The following CDH13 variants were observed in gnomAD, a reference collection of about 807,000 sequenced individuals.
CDH13 encodes cadherin 13.
A neutral mutation model predicts 63.8 loss-of-function variants in CDH13; 24 were observed. The ratio of observed to expected loss-of-function variants is 0.38; its 90% CI spans 0.27 to 0.53. CDH13 has a LOEUF of 0.53. CDH13 is among the 20% of genes least tolerant of loss of function. CDH13 has a pLI of 0.85. For synonymous variants in CDH13, 503 were observed against 355.3 expected, an observed-to-expected ratio of 1.42 and a Z score of -4.67; for missense variants, 1,049 against 903.1, an observed-to-expected ratio of 1.16 and a Z score of -2.07.
chr16:83,300,452 A>T (rs1407581892), intron 5 of CDH13, among the ~76,000 whole-genome samples: 1 of 152,218 alleles, frequency 6.6e-6, no homozygotes, highest in Non-Finnish European at 1.5e-5. Flanking sequence ...GGAATGGAAG[A>T]TGTTATCTCA....
At chr16:83,572,706 T>C (rs1347489229) in intron 7 of CDH13, among the ~76,000 whole-genome samples, 1 of 152,216 alleles carries the variant, frequency 6.6e-6, no homozygotes, top group Non-Finnish European at 1.5e-5. Context: ...ACATGTATAA[T>C]AGCCAAACAT....
chr16:83,722,195 C>G (rs1459382387), intron 10 of CDH13, among the ~76,000 whole-genome samples: 1 of 152,004 alleles, frequency 6.6e-6, no homozygotes, highest in East Asian at 1.9e-4. Flanking sequence ...TGAACCGATG[C>G]TGGCTACACA....
At chr16:82,854,084 C>G (rs1189683807) in intron 1 of CDH13, among the ~76,000 whole-genome samples, 1 of 152,086 alleles carries the variant, frequency 6.6e-6, no homozygotes, top group African/African-American at 2.4e-5. Flanking sequence ...AGCATAGATA[C>G]TGTTTTGAAT....
At chr16:83,364,580 T>C (rs1346428547) in intron 6 of CDH13, among the ~76,000 whole-genome samples, 1 of 152,174 alleles carries the variant, frequency 6.6e-6, no homozygotes, top group Non-Finnish European at 1.5e-5. Context: ...TTTAAACTCA[T>C]AGGTTTTTAC....
At chr16:83,732,209 T>C (rs1911106637) in intron 10 of CDH13, among the ~76,000 whole-genome samples, 1 of 152,212 alleles carries the variant, frequency 6.6e-6, no homozygotes, top group African/African-American at 2.4e-5. Flanking sequence ...TACAGCTCTT[T>C]CCCATGGGAG....
chr16:83,176,821 C>T (rs111446073), intron 4 of CDH13, among the ~76,000 whole-genome samples: 4,087 of 152,066 alleles, frequency 0.027, 160 homozygotes, highest in African/African-American at 0.092. Flanking sequence ...GTCTGAGTGC[C>T]GGATTGTAGC....
chr16:82,666,535 G>A (rs1054844980), intron 1 of CDH13, among the ~76,000 whole-genome samples: 4 of 152,186 alleles, frequency 2.6e-5, no homozygotes, highest in Admixed American at 6.5e-5. Flanking sequence ...TAAGGGGAAA[G>A]CACACACTTT....
chr16:83,720,491 C>T (rs979303663), intron 10 of CDH13, among the ~76,000 whole-genome samples: 1 of 152,124 alleles, frequency 6.6e-6, no homozygotes, highest in Non-Finnish European at 1.5e-5. Context: ...CGTTCATAAT[C>T]CTGCTCTTTG....
At chr16:83,514,061 C>A (rs2074640704) in intron 7 of CDH13, among the ~76,000 whole-genome samples, 1 of 152,134 alleles carries the variant, frequency 6.6e-6, no homozygotes, top group Non-Finnish European at 1.5e-5. Context: ...CGTAGGAATA[C>A]AACCTGGACG....
chr16:82,924,521 C>T (rs1285776606), intron 2 of CDH13, among the ~76,000 whole-genome samples: 4 of 152,186 alleles, frequency 2.6e-5, no homozygotes, highest in East Asian at 1.9e-4. Flanking sequence ...TCTGCACTGC[C>T]GCTTGTTACT....
chr16:83,708,409 C>A (rs1374419433), intron 10 of CDH13, among the ~76,000 whole-genome samples: 2 of 152,194 alleles, frequency 1.3e-5, no homozygotes, highest in Non-Finnish European at 2.9e-5. Context: ...TTAAGCCAGT[C>A]CTTTCACTTT....
chr16:83,719,508 T>G (rs1225620567), intron 10 of CDH13, among the ~76,000 whole-genome samples: 1 of 152,124 alleles, frequency 6.6e-6, no homozygotes, highest in Non-Finnish European at 1.5e-5. Context: ...GCTCCAGGTC[T>G]TTTCCAGCGC....
chr16:83,018,583 C>T lies in CDH13; in HGVS notation c.158-13427C>T, dbSNP rs147390537. On this transcript the variant is annotated intron_variant, in intron 2 of 13. Coordinates refer to ENST00000567109, the MANE Select transcript of CDH13 (RefSeq NM_001257.5). ...AGGAACTAGATCTTCCAAATGGTAA[C>T]CTGAATTGCTTTAGGCCCCTCCAGT... is the stretch of plus-strand genomic sequence containing the variant. Among the ~76,000 whole-genome samples the T allele has an allele frequency of 7.4e-3, 1,129 of 152,292 alleles. 21 individuals are homozygous for T. The highest frequency in any genetic ancestry group is 9.0e-3 in the Admixed American group (138 of 15,294).
chr16:82,968,779 A>G (rs971027893), intron 2 of CDH13, among the ~76,000 whole-genome samples: 5 of 152,170 alleles, frequency 3.3e-5, no homozygotes, highest in Admixed American at 6.5e-5. Flanking sequence ...GTTCCCCTCA[A>G]TAGGCTGTGA....
chr16:82,744,820 G>T (rs982900050), intron 1 of CDH13, among the ~76,000 whole-genome samples: 2 of 152,102 alleles, frequency 1.3e-5, no homozygotes, highest in Non-Finnish European at 1.5e-5. Flanking sequence ...GGCACAAATA[G>T]CCTCGGCCAT....
At chr16:83,412,528 G>A (rs1414945085) in intron 6 of CDH13, among the ~76,000 whole-genome samples, 2 of 152,122 alleles carry the variant, frequency 1.3e-5, no homozygotes, top group East Asian at 1.9e-4. Flanking sequence ...TGAGAGTCAG[G>A]CATAAGCCCC....
chr16:83,229,443 A>G lies in CDH13; in HGVS notation c.636+11946A>G, dbSNP rs540748970. Among the ~76,000 whole-genome samples the G allele has an allele frequency of 2.0e-5, 3 of 152,266 alleles. No homozygotes were observed. In the South Asian group the frequency reaches 6.2e-4, roughly 32 times the overall value. On this transcript the variant is annotated intron_variant, in intron 5 of 13. Coordinates refer to ENST00000567109, the MANE Select transcript of CDH13 (RefSeq NM_001257.5). ...ACTCGTTCTCCCCATTTAGTCTGGC[A>G]TAATTTCCATGCCAAGTAAATATTC...
chr16:82,953,053 C>T (rs1437093983), intron 2 of CDH13, among the ~76,000 whole-genome samples: 1 of 152,170 alleles, frequency 6.6e-6, no homozygotes, highest in Admixed American at 6.5e-5. Context: ...ATTAGATATC[C>T]TCTTTGCTGT....
intron 2 of CDH13, among the ~76,000 whole-genome samples, chr16:82,938,600 A>C (rs1036823603): frequency 6.6e-6 from 1 of 152,230 alleles, no homozygotes; most frequent in African/African-American, 2.4e-5. Context: ...GTGGGGACAC[A>C]TGAGATGACA....
Sources: allele counts gnomAD v4.1 joint callset (sites outside exome capture counted in the v4.1 genomes callset), GRCh38; gene constraint gnomAD v4.1.1; transcripts MANE v1.5; gene names NCBI Gene and HGNC (gene_info 2026-07-23, HGNC 2026-07-21).